The following WDPCP variants were observed in gnomAD, a reference collection of about 807,000 sequenced individuals.
WDPCP encodes WD repeat containing planar cell polarity effector, also known as WD repeat-containing and planar cell polarity effector protein fritz homolog.
In WDPCP, 71 loss-of-function variants were observed where a neutral mutation model predicts 93.1. The ratio of observed to expected loss-of-function variants is 0.76; its 90% CI spans 0.63 to 0.93. The LOEUF (loss-of-function observed/expected upper bound fraction) is 0.93, where lower values mean the gene tolerates loss of function less well. WDPCP is among the 40% of genes least tolerant of loss of function. WDPCP has a pLI of 0.00. For missense variants in WDPCP, 844 were observed against 887.4 expected (o/e 0.95, Z 0.62); for synonymous variants, 315 against 315.0 (o/e 1.00, Z 0.00).
rs796793810 is a variant in WDPCP, at chr2:63,757,951, T to G, written n.308+55671A>C. 2.6e-5 allele frequency among the ~76,000 whole-genome samples: 4 copies of G among 152,294 alleles called. 1 individual carries two copies. The highest frequency in any genetic ancestry group is 9.6e-5 in the African/African-American group (4 of 41,554). Reference sequence around the variant, plus strand: ...AATATTTATTGTGATCAAGCCTCTGTGATATGAAAGTTGTTTGTTACTACA... The same window carrying G: ...AATATTTATTGTGATCAAGCCTCTGGGATATGAAAGTTGTTTGTTACTACA... On this transcript the variant is annotated intron_variant and non_coding_transcript_variant, in intron 2 of 4. Coordinates refer to the WDPCP transcript ENST00000467687.
intron 1 of WDPCP, among the ~76,000 whole-genome samples, chr2:63,506,396 G>A (rs184008926): frequency 6.1e-4 from 92 of 151,656 alleles, no homozygotes; most frequent in Admixed American, 1.4e-3. Context: ...AGCACATGTA[G>A]TTATTTGCAC....
At chr2:63,575,432 ATATACAGTG>A (rs1442999930) in intron 1 of WDPCP, among the ~76,000 whole-genome samples, 2 of 98,616 alleles carry the variant, frequency 2.0e-5, no homozygotes, top group African/African-American at 8.9e-5. Flanking sequence ...TATACAGTGT[ATATACAGTG>A]TATACACTGT....
At chr2:63,478,653 T>C (rs1475303925) in intron 6 of WDPCP, among the ~76,000 whole-genome samples, 1 of 152,148 alleles carries the variant, frequency 6.6e-6, no homozygotes, top group African/African-American at 2.4e-5. Flanking sequence ...ACTCAGCCTA[T>C]CAAAACCTCT....
At chr2:63,392,590 T>C (rs1466823553) in intron 10 of WDPCP, among the ~76,000 whole-genome samples, 7 of 151,936 alleles carry the variant, frequency 4.6e-5, no homozygotes, top group Non-Finnish European at 8.8e-5. Context: ...ACCATTAGAG[T>C]GAACAGGCAA....
At chr2:63,203,599 A>G (rs940176771) in intron 14 of WDPCP, among the ~76,000 whole-genome samples, 2 of 152,050 alleles carry the variant, frequency 1.3e-5, no homozygotes, top group African/African-American at 4.8e-5. Flanking sequence ...GGTCTTATTC[A>G]TTCTATTTTG....
chr2:63,590,816 A>G (rs1370902986), upstream of WDPCP: 1 of 152,276 alleles, frequency 6.6e-6, no homozygotes. Flanking sequence ...AAACTCACAC[A>G]TGACTCAATT....
Position 63,487,453 on chromosome 2 carries a change from G to C in WDPCP, c.202C>G (p.Pro68Ala), listed in dbSNP as rs1443379922. 6.3e-7 allele frequency: 1 copy of C among 1,589,514 alleles called. No homozygotes were observed. Among genetic ancestry groups the C allele is most frequent in the East Asian group, 2.2e-5 (1 of 44,624 alleles). The change falls in exon 3 of 18, where the codon CCA becomes GCA. Residue 68 changes from proline to alanine, a missense_variant. By Grantham distance (27) the Pro-to-Ala change is conservative. Coordinates refer to ENST00000272321, the MANE Select transcript of WDPCP (RefSeq NM_015910.7). Reference protein sequence around the residue: ...GIYQYYDKKDPPATEHGNLEK... With the variant: ...GIYQYYDKKDAPATEHGNLEK... ...CACAGAATAGGTACTTTACCTGGTG[G>C]ATCTTTCTTGTCATAATACTGGTAG... is the stretch of plus-strand genomic sequence containing the variant.
intron 14 of WDPCP, among the ~76,000 whole-genome samples, chr2:63,186,630 G>A (rs1674656093): frequency 1.3e-5 from 2 of 152,218 alleles, no homozygotes; most frequent in Admixed American, 1.3e-4. Flanking sequence ...CAGAGGAAAG[G>A]TAGATCACAG....
intron 9 of WDPCP, among the ~76,000 whole-genome samples, chr2:63,409,221 G>A (rs537296367): frequency 3.5e-4 from 53 of 152,302 alleles, no homozygotes; most frequent in African/African-American, 1.2e-3. Context: ...TCACATCACA[G>A]GACTCTGTGC....
intron 3 of WDPCP, among the ~76,000 whole-genome samples, chr2:63,596,842 G>GA (rs1279545313): frequency 6.6e-6 from 1 of 152,176 alleles, no homozygotes; most frequent in African/African-American, 2.4e-5. Context: ...ACCTAGGCTG[G>GA]AATTACAGCT....
At chr2:63,344,706 A>G (rs1689074110) in intron 12 of WDPCP, among the ~76,000 whole-genome samples, 1 of 152,194 alleles carries the variant, frequency 6.6e-6, no homozygotes, top group Admixed American at 6.6e-5. Context: ...CATGCTTTAG[A>G]TACACACTGC....
At chr2:63,382,140 AG>A (rs1201745965) in intron 10 of WDPCP, 46 bp from the exon 11 acceptor site, 8 of 1,555,660 alleles carry the variant, frequency 5.1e-6, no homozygotes, top group African/African-American at 1.4e-5. Context: ...AAAATAAAAT[AG>A]AATAACAAAA....
chr2:63,341,013 A>C (rs936977769), intron 12 of WDPCP, among the ~76,000 whole-genome samples: 3 of 152,024 alleles, frequency 2.0e-5, no homozygotes, highest in African/African-American at 7.2e-5. Context: ...ACCTCTTAAG[A>C]GTCTTTTGTT....
intron 10 of WDPCP, among the ~76,000 whole-genome samples, chr2:63,391,626 A>T (rs1004718203): frequency 3.3e-5 from 5 of 152,210 alleles, no homozygotes; most frequent in African/African-American, 1.2e-4. Context: ...ACATGATTGT[A>T]CATTTAGAAA....
At chr2:63,266,667 G>A (rs1682146172) in intron 13 of WDPCP, among the ~76,000 whole-genome samples, 2 of 152,014 alleles carry the variant, frequency 1.3e-5, no homozygotes, top group South Asian at 4.2e-4. Flanking sequence ...TTAGCTGGGT[G>A]CGGTGGCAGG....
chr2:63,189,323 A>G (rs1674868695), intron 14 of WDPCP, among the ~76,000 whole-genome samples: 1 of 152,148 alleles, frequency 6.6e-6, no homozygotes, highest in African/African-American at 2.4e-5. Flanking sequence ...TTCTGTTCCA[A>G]GGGAGGTGTC....
At chr2:63,222,047 A>G (rs1168140356) in intron 14 of WDPCP, among the ~76,000 whole-genome samples, 1 of 152,154 alleles carries the variant, frequency 6.6e-6, no homozygotes, top group Non-Finnish European at 1.5e-5. Flanking sequence ...CAAAGATACA[A>G]TTTTAGGGAT....
intron 2 of WDPCP, among the ~76,000 whole-genome samples, chr2:63,715,701 A>G (rs1669327628): frequency 2.0e-5 from 3 of 152,236 alleles, no homozygotes; most frequent in African/African-American, 7.2e-5. Flanking sequence ...TGTAGAAGAA[A>G]AATAGCCTAT....
chr2:63,762,326 A>G (rs1378638874), intron 2 of WDPCP, among the ~76,000 whole-genome samples: 1 of 152,220 alleles, frequency 6.6e-6, no homozygotes, highest in Non-Finnish European at 1.5e-5. Flanking sequence ...TGAGCAAGCT[A>G]AATGAATTAA....
Sources: gnomAD v4.1 joint callset for allele counts (sites outside exome capture counted in the v4.1 genomes callset) on GRCh38, gnomAD v4.1.1 for gene constraint, MANE v1.5 for transcripts, NCBI Gene and HGNC (gene_info 2026-07-23, HGNC 2026-07-21) for gene names.